Variants in AP1S3 observed in about 807,000 individuals in gnomAD.
AP1S3 encodes the protein AP-1 complex subunit sigma-3.
AP1S3 carries 10 observed loss-of-function variants against 20.9 expected under a neutral mutation model. The observed-to-expected ratio is 0.48, with a 90% confidence interval of 0.29 to 0.81. AP1S3 has a LOEUF of 0.81. Ranked by LOEUF, AP1S3 falls within the 30% of genes least tolerant of loss-of-function variation. AP1S3 has a pLI of 0.08. For missense variants in AP1S3, 154 were observed against 183.8 expected, an observed-to-expected ratio of 0.84 and a Z score of 0.94; for synonymous variants, 41 against 61.5, an observed-to-expected ratio of 0.67 and a Z score of 1.56.
At chr2:223,802,766 T>A (rs1691497987) in intron 1 of AP1S3, among the ~76,000 whole-genome samples, 1 of 152,118 alleles carries the variant, frequency 6.6e-6, no homozygotes. Context: ...GAAGGGGCAT[T>A]TTCTCTGGAG....
At chr2:223,770,497 T>TACATACACACAC (rs1553581363) in intron 3 of AP1S3, among the ~76,000 whole-genome samples, 4 of 141,640 alleles carry the variant, frequency 2.8e-5, no homozygotes, top group Non-Finnish European at 6.1e-5. Flanking sequence ...AGAGAGACAA[T>TACATACACACAC]ACACACACAC....
At chr2:223,813,019 C>T (rs575440994) in intron 1 of AP1S3, among the ~76,000 whole-genome samples, 1 of 152,180 alleles carries the variant, frequency 6.6e-6, no homozygotes, top group South Asian at 2.1e-4. Context: ...GCTTCCACCT[C>T]CCAGACTCCA....
At position 223,755,796 on chromosome 2, in the gene AP1S3, C is replaced by G. The variant is rs1690199359; in HGVS notation, c.*2919G>C. On this transcript the variant is annotated 3_prime_UTR_variant, in exon 5 of 5. Coordinates refer to ENST00000396654, the MANE Select transcript of AP1S3 (RefSeq NM_001039569.2). ...TCTGCCGCCTTGACCTCCCAAAGTG[C>G]TGGGATTACAGGCGTGAGCCACCTT... is the stretch of plus-strand genomic sequence containing the variant. 1.7e-5 allele frequency: 17 copies of G among 977,126 alleles called. No individual in the cohort carries two copies. Among genetic ancestry groups the G allele is most frequent in the Non-Finnish European group, 2.1e-5 (17 of 822,492 alleles). 60.5% of individuals were successfully genotyped at this position (977,126 alleles called of 1,614,324 possible). A position where few individuals can be genotyped will look rare whatever the true frequency, so the allele number is the denominator to read the frequency against.
intron 3 of AP1S3, among the ~76,000 whole-genome samples, chr2:223,769,916 T>C (rs1308826085): frequency 6.6e-6 from 1 of 151,828 alleles, no homozygotes; most frequent in Non-Finnish European, 1.5e-5. Context: ...GGCTAATTTT[T>C]TGTATTTTTA....
chr2:223,760,202 G>A (rs1260787770), intron 4 of AP1S3, among the ~76,000 whole-genome samples: 2 of 152,030 alleles, frequency 1.3e-5, no homozygotes, highest in Non-Finnish European at 2.9e-5. Flanking sequence ...AAGCTCGAGA[G>A]GACAAAAAAT....
chr2:223,820,117 T>C (rs1243177737), intron 1 of AP1S3, among the ~76,000 whole-genome samples: 2 of 152,180 alleles, frequency 1.3e-5, no homozygotes, highest in Non-Finnish European at 2.9e-5. Flanking sequence ...ATATCAATTT[T>C]ACTAATAAAT....
At chr2:223,771,181 C>CA (rs1232485150) in intron 3 of AP1S3, among the ~76,000 whole-genome samples, 2 of 151,292 alleles carry the variant, frequency 1.3e-5, no homozygotes, top group Non-Finnish European at 3.0e-5. Context: ...ACTAAACATA[C>CA]AAAAAATTAG....
At chr2:223,768,152 T>C (rs978959146) in intron 3 of AP1S3, among the ~76,000 whole-genome samples, 1 of 152,190 alleles carries the variant, frequency 6.6e-6, no homozygotes, top group African/African-American at 2.4e-5. Context: ...TGATTTCCCG[T>C]GCCAGTTCTC....
intron 3 of AP1S3, among the ~76,000 whole-genome samples, chr2:223,771,610 C>T (rs1469001304): frequency 6.6e-6 from 1 of 152,122 alleles, no homozygotes; most frequent in Non-Finnish European, 1.5e-5. Flanking sequence ...TGTAATTTGG[C>T]TTAAGGTTCT....
intron 3 of AP1S3, among the ~76,000 whole-genome samples, chr2:223,765,702 T>G (rs1690461434): frequency 6.6e-6 from 1 of 152,204 alleles, no homozygotes; most frequent in African/African-American, 2.4e-5. Context: ...TTTCTCCTGC[T>G]CTCTGCTCTG....
At chr2:223,793,793 A>T (rs1672555225) in intron 1 of AP1S3, among the ~76,000 whole-genome samples, 1 of 151,516 alleles carries the variant, frequency 6.6e-6, no homozygotes, top group Non-Finnish European at 1.5e-5. Flanking sequence ...TTTTCCCACC[A>T]CCACCTAATA....
At chr2:223,798,458 G>A (rs1397713595) in intron 1 of AP1S3, among the ~76,000 whole-genome samples, 1 of 152,196 alleles carries the variant, frequency 6.6e-6, no homozygotes, top group Non-Finnish European at 1.5e-5. Flanking sequence ...GAAACAAACT[G>A]TTGACATGTA....
At chr2:223,818,019 A>C (rs1451482295) in intron 1 of AP1S3, among the ~76,000 whole-genome samples, 2 of 152,030 alleles carry the variant, frequency 1.3e-5, no homozygotes, top group East Asian at 3.8e-4. Context: ...GTCATATTGA[A>C]GACAAAAAAG....
chr2:223,801,978 T>C (rs1167418353), intron 1 of AP1S3, among the ~76,000 whole-genome samples: 1 of 152,244 alleles, frequency 6.6e-6, no homozygotes, highest in Admixed American at 6.5e-5. Flanking sequence ...AGTAAAGTTT[T>C]TGAACTGTCA....
intron 1 of AP1S3, among the ~76,000 whole-genome samples, chr2:223,790,588 T>A (rs1691194280): frequency 6.6e-6 from 1 of 152,138 alleles, no homozygotes; most frequent in African/African-American, 2.4e-5. Flanking sequence ...GTTCATAGAA[T>A]AAGGATGTCA....
At chr2:223,760,647 T>C (rs183862756) in intron 4 of AP1S3, among the ~76,000 whole-genome samples, 3 of 152,278 alleles carry the variant, frequency 2.0e-5, no homozygotes, top group Admixed American at 1.3e-4. Context: ...TTATGGAATC[T>C]AGAGTTTACA....
chr2:223,797,524 G>A (rs1239390329), intron 1 of AP1S3, among the ~76,000 whole-genome samples: 1 of 152,154 alleles, frequency 6.6e-6, no homozygotes, highest in Non-Finnish European at 1.5e-5. Context: ...CACTTTGGGA[G>A]GCTGAGGCAG....
At chr2:223,775,338 T>A (rs1196758107) in intron 3 of AP1S3, among the ~76,000 whole-genome samples, 2 of 152,194 alleles carry the variant, frequency 1.3e-5, no homozygotes, top group African/African-American at 4.8e-5. Flanking sequence ...TTTGTTGCTA[T>A]TTTTCTTATG....
At chr2:223,802,016 T>A (rs1486939796) in intron 1 of AP1S3, among the ~76,000 whole-genome samples, 2 of 152,304 alleles carry the variant, frequency 1.3e-5, no homozygotes, top group Non-Finnish European at 1.5e-5. Flanking sequence ...TCTGAGGCCA[T>A]CTAACTAGTT....
Sources: allele counts gnomAD v4.1 joint callset (sites outside exome capture counted in the v4.1 genomes callset), GRCh38; gene constraint gnomAD v4.1.1; transcripts MANE v1.5; gene names NCBI Gene and HGNC (gene_info 2026-07-23, HGNC 2026-07-21).